The following PCDHGA5 variants were observed in gnomAD, a reference collection of about 807,000 sequenced individuals.
The protein encoded by PCDHGA5 is protocadherin gamma subfamily A, 5.
A neutral mutation model predicts 56.7 loss-of-function variants in PCDHGA5; 36 were observed. The observed-to-expected ratio is 0.64, with a 90% CI of 0.49 to 0.84. The LOEUF (loss-of-function observed/expected upper bound fraction) is 0.84, where lower values mean the gene tolerates loss of function less well. Among genes scored for constraint, PCDHGA5 ranks in the 40% least tolerant of loss-of-function variants. The probability of loss-of-function intolerance (pLI) is 0.00; values close to 1 mark genes in which losing one functional copy is unlikely to be tolerated. For missense variants in PCDHGA5, 1,305 were observed against 1,201.5 expected, an observed-to-expected ratio of 1.09 and a Z score of -1.27; for synonymous variants, 563 against 520.2, an observed-to-expected ratio of 1.08 and a Z score of -1.12.
In PCDHGA5 at chr5:141,366,571, G is replaced by A. The variant is rs1764656817; in HGVS notation, c.2241G>A (p.Arg747=). The A allele has an allele frequency of 2.5e-6, 4 of 1,614,112 alleles. No individual in the cohort carries two copies. Among genetic ancestry groups the A allele is most frequent in the South Asian group, 2.2e-5 (2 of 91,092 alleles). ...ASHFVGVDGV[R]AFLQTYSHEV... ...ACTTTGTGGGCGTGGATGGGGTTCG[G>A]GCTTTCCTGCAGACCTATTCCCACG... Residue 747 remains arginine (R), a synonymous_variant, in exon 1 of 4, where the codon CGG becomes CGA. Transcript: ENST00000518069.
intron 1 of PCDHGA5, among the ~76,000 whole-genome samples, chr5:141,473,313 T>C (rs1173941642): frequency 2.7e-4 from 41 of 152,246 alleles, no homozygotes; most frequent in Non-Finnish European, 5.9e-5. Context: ...GCTATATTAA[T>C]AAGCATTAAG....
chr5:141,436,594 G>A (rs79477223), intron 1 of PCDHGA5, among the ~76,000 whole-genome samples: 2 of 152,106 alleles, frequency 1.3e-5, no homozygotes, highest in African/African-American at 2.4e-5. Flanking sequence ...AAAGGTCGTG[G>A]TGATGGCTAG....
intron 1 of PCDHGA5, among the ~76,000 whole-genome samples, chr5:141,466,246 A>G (rs1357175003): frequency 6.6e-6 from 1 of 152,100 alleles, no homozygotes; most frequent in Non-Finnish European, 1.5e-5. Flanking sequence ...TCATGGCTCA[A>G]TGCAGCCTTG....
chr5:141,375,630 C>T (rs1162494057), intron 1 of PCDHGA5: 2 of 1,614,246 alleles, frequency 1.2e-6, no homozygotes, highest in Non-Finnish European at 1.7e-6. Flanking sequence ...ATTCTGTACG[C>T]CCTGCGCTCC....
intron 1 of PCDHGA5, chr5:141,382,596 AATTTTCT>A (rs1778321594): frequency 3.9e-6 from 1 of 254,502 alleles, no homozygotes; most frequent in Non-Finnish European, 7.4e-6. Flanking sequence ...AAGATGAAAC[AATTTTCT>A]ATGAAATCAG....
chr5:141,398,237 T>G, intron 1 of PCDHGA5: 1 of 1,479,534 alleles, frequency 6.8e-7, no homozygotes, highest in Non-Finnish European at 9.2e-7. Context: ...CGCTACAGGA[T>G]TCCCGAGGAA....
intron 1 of PCDHGA5, chr5:141,370,354 C>T (rs745912783): frequency 1.4e-5 from 21 of 1,505,704 alleles, no homozygotes; most frequent in Non-Finnish European, 1.9e-5. Flanking sequence ...TTAAAGATCT[C>T]CTCTCCTCGG....
intron 1 of PCDHGA5, chr5:141,400,510 T>C: frequency 6.2e-7 from 1 of 1,613,972 alleles, no homozygotes; most frequent in Non-Finnish European, 8.5e-7. Context: ...CGAGTCGACT[T>C]CCCATCCTGA....
chr5:141,419,207 CCGGTTTTCGGACAGT>C, intron 1 of PCDHGA5: 5 of 1,613,998 alleles, frequency 3.1e-6, no homozygotes, highest in Non-Finnish European at 4.2e-6. Flanking sequence ...TGACAACGCG[CCGGTTTTCGGACAGT>C]CAGCCTACCT....
intron 1 of PCDHGA5, chr5:141,410,443 T>A (rs1207487083): frequency 6.2e-7 from 1 of 1,613,926 alleles, no homozygotes; most frequent in Non-Finnish European, 8.5e-7. Context: ...GTGAGGGGAC[T>A]TTGCCTTATT....
At chr5:141,397,361 G>A (rs2093513931) in intron 1 of PCDHGA5, among the ~76,000 whole-genome samples, 1 of 152,164 alleles carries the variant, frequency 6.6e-6, no homozygotes. Flanking sequence ...TCAGGAAGAG[G>A]AGATGTTTGG....
chr5:141,403,262 G>C (rs1162911439), intron 1 of PCDHGA5: 1 of 1,613,868 alleles, frequency 6.2e-7, no homozygotes, highest in Middle Eastern at 1.6e-4. Context: ...GCGGTGTCTG[G>C]TGAACTTTAA....
At position 141,432,660 on chromosome 5, in the gene PCDHGA5, A is replaced by G; in HGVS notation, c.2422-62147A>G. The G allele has an allele frequency of 6.2e-7, 1 of 1,613,768 alleles. No individual in the cohort carries two copies. Among genetic ancestry groups the G allele is most frequent in the African/African-American group, 1.3e-5 (1 of 75,026 alleles). ...GTGCGCACGGCGCGAGCCCTGCTGG[A>G]CAGAGACGCGCTCAAGCAGAGCCTC... On this transcript the variant is annotated intron_variant, in intron 1 of 3. Coordinates refer to ENST00000518069, the MANE Select transcript of PCDHGA5 (RefSeq NM_018918.3). The surrounding 1 kb of genome is among the most constrained non-coding windows in gnomAD (Gnocchi z 6.0).
intron 1 of PCDHGA5, chr5:141,372,953 C>T (rs1217005690): frequency 1.5e-5 from 11 of 745,036 alleles, no homozygotes; most frequent in Non-Finnish European, 2.3e-5. Context: ...CTAGGAAATT[C>T]TTTGTAGAAT....
At chr5:141,450,006 CTTTTTT>C (rs1554136305) in intron 1 of PCDHGA5, among the ~76,000 whole-genome samples, 7,115 of 132,964 alleles carry the variant, frequency 0.054, 434 homozygotes, top group African/African-American at 0.14. Flanking sequence ...TGCCATGTCT[CTTTTTT>C]TTTTTTTTTT....
intron 1 of PCDHGA5, chr5:141,413,462 G>C (rs750915907): frequency 1.9e-6 from 3 of 1,614,120 alleles, no homozygotes; most frequent in Non-Finnish European, 2.5e-6. Flanking sequence ...AGGATAGACC[G>C]GGAGGAGCTC....
intron 1 of PCDHGA5, chr5:141,371,107 AC>A: frequency 6.2e-7 from 1 of 1,613,650 alleles, no homozygotes; most frequent in Non-Finnish European, 8.5e-7. Context: ...GCAAATGATA[AC>A]CCCCCAGTAT....
In PCDHGA5 at chr5:141,489,335, G is replaced by A. The variant is rs138015049; in HGVS notation, c.2422-5472G>A. The A allele has an allele frequency of 8.2e-5, 132 of 1,607,244 alleles. No individual in the cohort carries two copies. The African/African-American group carries it at 1.5e-3, about 18-fold the overall frequency. On this transcript the variant is annotated intron_variant, in intron 1 of 3. Transcript: ENST00000518069. This position sits in a 1 kb window ranked among gnomAD's most constrained non-coding sequence, Gnocchi z 4.5. ...TGGGGCTGGGTGTCTGGGCAGCTTC[G>A]TTACTCAGTGGTGGAGGAGTCTGAG...
chr5:141,470,019 C>G (rs2099219272), intron 1 of PCDHGA5, among the ~76,000 whole-genome samples: 1 of 152,154 alleles, frequency 6.6e-6, no homozygotes, highest in South Asian at 2.1e-4. Context: ...ATCCCAGCTA[C>G]TCGGGATGCT....
Sources: gnomAD v4.1 joint callset for allele counts (sites outside exome capture counted in the v4.1 genomes callset) on GRCh38, gnomAD v4.1.1 for gene constraint, Gnocchi (gnomAD v3.1) non-coding constraint, MANE v1.5 for transcripts, NCBI Gene and HGNC (gene_info 2026-07-23, HGNC 2026-07-21) for gene names.